RAB3C: variants seen among roughly 807,000 people sequenced by gnomAD.
The protein encoded by RAB3C is RAB3C, member RAS oncogene family.
A neutral mutation model predicts 26.4 loss-of-function variants in RAB3C; 17 were observed. The observed-to-expected ratio is 0.64, with a 90% CI of 0.44 to 0.97. RAB3C has a LOEUF of 0.97. Ranked by LOEUF, RAB3C falls within the 50% of genes least tolerant of loss-of-function variation. The pLI is 0.00. For missense variants in RAB3C, 242 were observed against 281.9 expected (o/e 0.86, Z 1.01); for synonymous variants, 91 against 95.9 (o/e 0.95, Z 0.30).
chr5:58,850,805 G>T (rs1744098388), intron 4 of RAB3C, among the ~76,000 whole-genome samples: 1 of 152,182 alleles, frequency 6.6e-6, no homozygotes, highest in African/African-American at 2.4e-5. Context: ...TAGTGTTGAA[G>T]ATTCTTACAG....
At chr5:58,785,685 C>T (rs1742362604) in intron 3 of RAB3C, among the ~76,000 whole-genome samples, 1 of 152,184 alleles carries the variant, frequency 6.6e-6, no homozygotes, top group Non-Finnish European at 1.5e-5. Flanking sequence ...ACATCCTAAT[C>T]TCTAGGACCT....
intron 2 of RAB3C, among the ~76,000 whole-genome samples, chr5:58,688,194 CT>C (rs1748486819): frequency 6.6e-6 from 1 of 152,076 alleles, no homozygotes; most frequent in African/African-American, 2.4e-5. Flanking sequence ...TGACTGTTGA[CT>C]TTTCCCCACT....
intron 2 of RAB3C, among the ~76,000 whole-genome samples, chr5:58,666,506 A>T (rs1748005280): frequency 6.6e-6 from 1 of 152,212 alleles, no homozygotes; most frequent in African/African-American, 2.4e-5. Context: ...AAAATTCAAG[A>T]TTCTTAGGCC....
chr5:58,603,800 T>C (rs1746504752), intron 1 of RAB3C, among the ~76,000 whole-genome samples: 2 of 152,354 alleles, frequency 1.3e-5, no homozygotes, highest in Non-Finnish European at 2.9e-5. Context: ...TTAATTCTTT[T>C]TCAGGCAAAT....
intron 3 of RAB3C, among the ~76,000 whole-genome samples, chr5:58,812,058 G>A (rs1012926981): frequency 1.3e-5 from 2 of 152,134 alleles, no homozygotes; most frequent in African/African-American, 4.8e-5. Flanking sequence ...TCAACAAATA[G>A]TAAGGGAGTC....
chr5:58,622,478 G>A (rs1746959381), intron 2 of RAB3C, among the ~76,000 whole-genome samples: 1 of 151,922 alleles, frequency 6.6e-6, no homozygotes, highest in Non-Finnish European at 1.5e-5. Flanking sequence ...AAGTTCTTGG[G>A]GCCTCAGGGG....
chr5:58,638,704 A>G (rs189476053), intron 2 of RAB3C, among the ~76,000 whole-genome samples: 1 of 152,360 alleles, frequency 6.6e-6, no homozygotes. Flanking sequence ...AACAGACATT[A>G]TATGTCACCT....
intron 2 of RAB3C, among the ~76,000 whole-genome samples, chr5:58,624,707 T>A (rs1321036195): frequency 2.0e-5 from 3 of 152,072 alleles, no homozygotes; most frequent in Non-Finnish European, 4.4e-5. Flanking sequence ...CAAAGAGCAA[T>A]GTACAGTGGA....
At position 58,589,529 on chromosome 5, in the gene RAB3C, G is replaced by A. The variant is rs541984006; in HGVS notation, c.24+6297G>A. Among the ~76,000 whole-genome samples, 33 of 152,188 alleles carry A rather than the reference G, an allele frequency of 2.2e-4. 1 individual carries two copies. In the South Asian group the frequency reaches 5.4e-3, roughly 25 times the overall value. The stretch of plus-strand genomic sequence containing the variant: ...TACTAGAGTTCACCATGAAGCCAGC[G>A]GAGCCTGGAGTTTTCTTTCTGAAAA... On this transcript the variant is annotated intron_variant, in intron 1 of 4. Coordinates refer to ENST00000282878, the MANE Select transcript of RAB3C (RefSeq NM_138453.4).
chr5:58,726,823 C>T (rs780524726), intron 3 of RAB3C, among the ~76,000 whole-genome samples: 6 of 151,928 alleles, frequency 3.9e-5, no homozygotes, highest in East Asian at 1.9e-4. Flanking sequence ...GTTATTCCTA[C>T]GGCTACAGTA....
intron 2 of RAB3C, among the ~76,000 whole-genome samples, chr5:58,655,683 A>G (rs1305273243): frequency 6.6e-6 from 1 of 151,930 alleles, no homozygotes; most frequent in African/African-American, 2.4e-5. Flanking sequence ...CCAAAATATT[A>G]TGACAGATTT....
At chr5:58,812,096 A>C (rs1743105543) in intron 3 of RAB3C, among the ~76,000 whole-genome samples, 1 of 152,164 alleles carries the variant, frequency 6.6e-6, no homozygotes, top group African/African-American at 2.4e-5. Context: ...CTCACCTTTC[A>C]TCTTTCTTTT....
intron 1 of RAB3C, among the ~76,000 whole-genome samples, chr5:58,610,699 C>T (rs1389304332): frequency 3.3e-5 from 5 of 151,762 alleles, no homozygotes; most frequent in African/African-American, 1.2e-4. Flanking sequence ...CATTCTTTAC[C>T]TTAGCAGGGA....
intron 3 of RAB3C, among the ~76,000 whole-genome samples, chr5:58,818,339 A>T (rs1211507456): frequency 5.3e-5 from 8 of 152,250 alleles, no homozygotes; most frequent in African/African-American, 1.9e-4. Context: ...TGTGTGAAAC[A>T]TCATAAAATA....
Position 58,857,720 on chromosome 5 carries a change from C to T in RAB3C, c.*6369C>T, listed in dbSNP as rs1414437136. On this transcript the variant is annotated 3_prime_UTR_variant, in exon 5 of 5. Coordinates refer to ENST00000282878, the MANE Select transcript of RAB3C (RefSeq NM_138453.4). ...TTCACTTTCAATTCTCAGTTGTCCA[C>T]ACTGGTGATATAAGAGGAACAAATC... The T allele has an allele frequency of 1.3e-5, 2 of 152,158 alleles. No homozygotes were observed. Among genetic ancestry groups the T allele is most frequent in the African/African-American group, 2.4e-5 (1 of 41,434 alleles). 9.4% of individuals were successfully genotyped at this position (152,158 alleles called of 1,614,324 possible).
intron 3 of RAB3C, among the ~76,000 whole-genome samples, chr5:58,811,967 G>T (rs112763449): frequency 6.6e-6 from 1 of 152,092 alleles, no homozygotes; most frequent in African/African-American, 2.4e-5. Flanking sequence ...TGACATGGAG[G>T]CTCAAGCTCA....
At chr5:58,777,182 C>G (rs1019482831) in intron 3 of RAB3C, among the ~76,000 whole-genome samples, 33 of 152,066 alleles carry the variant, frequency 2.2e-4, no homozygotes, top group Admixed American at 3.3e-4. Flanking sequence ...TTTGACACAG[C>G]TTTCCTCTCT....
At chr5:58,749,303 T>A (rs563838210) in intron 3 of RAB3C, among the ~76,000 whole-genome samples, 4 of 152,316 alleles carry the variant, frequency 2.6e-5, no homozygotes, top group Admixed American at 2.6e-4. Flanking sequence ...TTTAAAAAAA[T>A]TTCAATGTGG....
intron 2 of RAB3C, among the ~76,000 whole-genome samples, chr5:58,649,949 G>A (rs1420003909): frequency 6.6e-6 from 1 of 152,164 alleles, no homozygotes; most frequent in Non-Finnish European, 1.5e-5. Flanking sequence ...AGGCACTACA[G>A]CAGCATCAAA....
Sources: gnomAD v4.1 joint callset for allele counts (sites outside exome capture counted in the v4.1 genomes callset) on GRCh38, gnomAD v4.1.1 for gene constraint, MANE v1.5 for transcripts, NCBI Gene and HGNC (gene_info 2026-07-23, HGNC 2026-07-21) for gene names.